Variants in DCDC1 observed in about 807,000 individuals in gnomAD.
DCDC1 encodes doublecortin domain-containing protein 1.
Under a neutral mutation model 178.3 loss-of-function variants are expected in DCDC1, and 200 were observed. That is an observed-to-expected ratio of 1.12 (90% confidence interval 1.00 to 1.26). The LOEUF (loss-of-function observed/expected upper bound fraction) is 1.26, where lower values mean the gene tolerates loss of function less well. Among genes scored for constraint, DCDC1 ranks in the 50% most tolerant of loss-of-function variants. The pLI is 0.00. For missense variants in DCDC1, 1,983 were observed against 1,749.2 expected (o/e 1.13, Z -2.38); for synonymous variants, 690 against 604.8 (o/e 1.14, Z -2.07).
intron 7 of DCDC1, among the ~76,000 whole-genome samples, chr11:31,283,713 A>C (rs1008773941): frequency 9.9e-5 from 15 of 151,958 alleles, no homozygotes; most frequent in Non-Finnish European, 1.5e-4. Context: ...TTTACATCCT[A>C]ATTAGCTGTT....
At chr11:31,013,993 C>T (rs547127590) in intron 20 of DCDC1, among the ~76,000 whole-genome samples, 7 of 152,286 alleles carry the variant, frequency 4.6e-5, no homozygotes, top group African/African-American at 1.7e-4. Flanking sequence ...CCTGGCATTT[C>T]CAACCTTGTC....
At chr11:30,997,547 T>C (rs1951337657) in intron 20 of DCDC1, among the ~76,000 whole-genome samples, 1 of 152,170 alleles carries the variant, frequency 6.6e-6, no homozygotes, top group Non-Finnish European at 1.5e-5. Flanking sequence ...AAGAATTGTA[T>C]ATAAGTATTG....
At chr11:31,294,798 A>AAAAGAAAGAAAGAAGGAAAG (rs1947521037) in intron 6 of DCDC1, among the ~76,000 whole-genome samples, 2 of 125,232 alleles carry the variant, frequency 1.6e-5, no homozygotes, top group Non-Finnish European at 3.3e-5. Context: ...AAAATAAAGA[A>AAAAGAAAGAAAGAAGGAAAG]AAAGAAAGAA....
At chr11:30,918,994 C>G (rs754178979) in intron 25 of DCDC1, among the ~76,000 whole-genome samples, 1 of 152,070 alleles carries the variant, frequency 6.6e-6, no homozygotes, top group Non-Finnish European at 1.5e-5. Flanking sequence ...GCATGTCCCT[C>G]CTTAAATCAT....
intron 9 of DCDC1, among the ~76,000 whole-genome samples, chr11:31,222,583 A>G (rs1290694699): frequency 6.6e-6 from 1 of 152,204 alleles, no homozygotes; most frequent in African/African-American, 2.4e-5. Context: ...ACAAGCTACC[A>G]TAGGCTGGGT....
intron 20 of DCDC1, among the ~76,000 whole-genome samples, chr11:31,047,216 C>A (rs1954899063): frequency 6.6e-6 from 1 of 152,060 alleles, no homozygotes; most frequent in Non-Finnish European, 1.5e-5. Flanking sequence ...AGTCCTATAA[C>A]ATTACATTAT....
intron 6 of DCDC1, among the ~76,000 whole-genome samples, chr11:31,294,020 C>A (rs1947418599): frequency 6.6e-6 from 1 of 152,200 alleles, no homozygotes; most frequent in South Asian, 2.1e-4. Context: ...ACTGCTTAAT[C>A]ATTTCTCTCC....
At chr11:31,261,737 A>G (rs1412892367) in intron 8 of DCDC1, among the ~76,000 whole-genome samples, 1 of 152,152 alleles carries the variant, frequency 6.6e-6, no homozygotes, top group Non-Finnish European at 1.5e-5. Context: ...GAATAACTGT[A>G]TATGTACCAG....
chr11:30,892,709 C>A lies in DCDC1; in HGVS notation c.5082+109G>T, dbSNP rs1943890288. On this transcript the variant is annotated intron_variant, in intron 36 of 38. Coordinates refer to ENST00000684477, the MANE Select transcript of DCDC1 (RefSeq NM_001387274.1). ...GAAAGTACTGTTACTATTTTGTGGACAAGAAAATGAGGTTCATAGAAGTAA... is the reference window on the plus strand; with the variant it reads ...GAAAGTACTGTTACTATTTTGTGGAAAAGAAAATGAGGTTCATAGAAGTAA... The A allele has an allele frequency of 2.3e-6, 3 of 1,282,420 alleles. No individual in the cohort carries two copies. The African/African-American group carries it at 4.5e-5, about 19-fold the overall frequency. The allele number at this position is 1,282,420 out of a possible 1,614,324, so 79.4% of individuals were successfully genotyped here.
At chr11:31,265,261 T>G (rs1017846312) in intron 8 of DCDC1, among the ~76,000 whole-genome samples, 1 of 152,126 alleles carries the variant, frequency 6.6e-6, no homozygotes, top group Non-Finnish European at 1.5e-5. Context: ...TTACTTTTAT[T>G]TAATTATGGT....
intron 20 of DCDC1, among the ~76,000 whole-genome samples, chr11:31,018,198 G>C (rs1268906860): frequency 6.6e-6 from 1 of 152,066 alleles, no homozygotes; most frequent in Non-Finnish European, 1.5e-5. Flanking sequence ...TTAATATTAG[G>C]TTAACAAATG....
In DCDC1 at chr11:31,094,123, C is replaced by T. The variant is rs1472582016; in HGVS notation, c.2045G>A (p.Ser682Asn). 3 of 766,124 alleles carry T rather than the reference C, an allele frequency of 3.9e-6. No homozygotes were observed. Among genetic ancestry groups the T allele is most frequent in the Admixed American group, 3.4e-5 (2 of 58,994 alleles). 47.5% of individuals were successfully genotyped at this position (766,124 alleles called of 1,614,324 possible). A position where few individuals can be genotyped will look rare whatever the true frequency, so the allele number is the denominator to read the frequency against. Residue 682 changes from serine (S) to asparagine (N), a missense_variant, in exon 16 of 39, where the codon AGT becomes AAT. Physicochemically the swap from Ser to Asn is conservative, Grantham distance 46. Coordinates refer to ENST00000684477, the MANE Select transcript of DCDC1 (RefSeq NM_001387274.1). The part of the protein sequence containing the change: ...VSIGKWSFSG[S>N]EASSRSQIAP... ...TATTTGACTCCTGCTGCTTGCTTCA[C>T]TGCCTGAGAAACTCCACTTTCCAAT...
At chr11:31,342,729 A>G (rs1354269564) in intron 1 of DCDC1, among the ~76,000 whole-genome samples, 1 of 152,224 alleles carries the variant, frequency 6.6e-6, no homozygotes, top group Non-Finnish European at 1.5e-5. Context: ...ATAGCAAGGC[A>G]AAAGTATATG....
At chr11:31,175,159 G>C (rs1319544236) in intron 9 of DCDC1, among the ~76,000 whole-genome samples, 1 of 152,214 alleles carries the variant, frequency 6.6e-6, no homozygotes. Flanking sequence ...CGAGCTTCCG[G>C]ATGCCACTGC....
At chr11:31,042,901 C>T (rs1590854498) in intron 20 of DCDC1, among the ~76,000 whole-genome samples, 1 of 152,268 alleles carries the variant, frequency 6.6e-6, no homozygotes, top group Admixed American at 6.5e-5. Context: ...TCATAAAGAA[C>T]CCTTCCCAAA....
At chr11:31,195,725 C>T (rs374512023) in intron 9 of DCDC1, among the ~76,000 whole-genome samples, 25 of 151,968 alleles carry the variant, frequency 1.6e-4, no homozygotes, top group African/African-American at 5.8e-4. Flanking sequence ...AGTGACTTCC[C>T]CTACTTATTA....
chr11:31,261,026 T>C (rs898814675), intron 8 of DCDC1, among the ~76,000 whole-genome samples: 7 of 152,204 alleles, frequency 4.6e-5, no homozygotes, highest in African/African-American at 1.2e-4. Context: ...TATTCTCTGA[T>C]AAATTTTTTG....
intron 29 of DCDC1, among the ~76,000 whole-genome samples, chr11:30,907,373 G>T (rs1945138714): frequency 1.3e-5 from 2 of 152,068 alleles, no homozygotes; most frequent in Admixed American, 1.3e-4. Context: ...ACTCTTATTT[G>T]CATGCCCTTT....
intron 10 of DCDC1, among the ~76,000 whole-genome samples, chr11:31,134,209 T>A (rs2135976766): frequency 6.6e-6 from 1 of 152,324 alleles, no homozygotes; most frequent in Middle Eastern, 3.4e-3. Context: ...CTTCTGGCAA[T>A]GGGGTTATGT....
Sources: allele counts gnomAD v4.1 joint callset (sites outside exome capture counted in the v4.1 genomes callset), GRCh38; gene constraint gnomAD v4.1.1; transcripts MANE v1.5; gene names NCBI Gene and HGNC (gene_info 2026-07-23, HGNC 2026-07-21).